CCDC149: variants seen among roughly 807,000 people sequenced by gnomAD.
CCDC149 encodes the protein coiled-coil domain-containing protein 149.
A neutral mutation model predicts 59.9 loss-of-function variants in CCDC149; 45 were observed. That is an observed-to-expected ratio of 0.75 (90% CI 0.59 to 0.96). The LOEUF (loss-of-function observed/expected upper bound fraction) is 0.96, where lower values mean the gene tolerates loss of function less well. Among genes scored for constraint, CCDC149 ranks in the 40% least tolerant of loss-of-function variants. The pLI is 0.00. For missense variants in CCDC149, 584 were observed against 664.7 expected, an observed-to-expected ratio of 0.88 and a Z score of 1.33; for synonymous variants, 245 against 260.6, an observed-to-expected ratio of 0.94 and a Z score of 0.58.
chr4:24,927,569 G>A (rs1411616743), intron 1 of CCDC149, among the ~76,000 whole-genome samples: 1 of 152,210 alleles, frequency 6.6e-6, no homozygotes. Context: ...GTTGATTAAA[G>A]CAGGTGCTGA....
chr4:24,922,134 G>A (rs1218135793), intron 1 of CCDC149, among the ~76,000 whole-genome samples: 2 of 152,084 alleles, frequency 1.3e-5, no homozygotes, highest in East Asian at 1.9e-4. Flanking sequence ...TATTGCATAA[G>A]AGACCCACCC....
chr4:24,949,431 G>A (rs1723210027), intron 1 of CCDC149, among the ~76,000 whole-genome samples: 1 of 150,722 alleles, frequency 6.6e-6, no homozygotes, highest in Non-Finnish European at 1.5e-5. Flanking sequence ...GAGAGGTAGT[G>A]GTGGCAGGGA....
At chr4:24,878,234 A>G (rs928150998) in intron 1 of CCDC149, among the ~76,000 whole-genome samples, 6 of 133,590 alleles carry the variant, frequency 4.5e-5, no homozygotes, top group East Asian at 2.1e-4. Context: ...AAAAAAAAAA[A>G]AAAAGAAAGT....
intron 1 of CCDC149, among the ~76,000 whole-genome samples, chr4:24,894,769 A>G (rs974270551): frequency 1.3e-5 from 2 of 151,874 alleles, no homozygotes; most frequent in Non-Finnish European, 2.9e-5. Context: ...TAGGATGTTT[A>G]GCATAACACA....
chr4:24,901,536 A>G (rs1721170520), intron 1 of CCDC149, among the ~76,000 whole-genome samples: 1 of 152,230 alleles, frequency 6.6e-6, no homozygotes, highest in South Asian at 2.1e-4. Context: ...AGGAGAGAAC[A>G]TGAATCCCAT....
At position 24,808,605 on chromosome 4, in the gene CCDC149, T is replaced by G; in HGVS notation, c.1407A>C (p.Ala469=). The change falls in exon 13 of 13, where the codon GCA becomes GCC. Residue 469 remains alanine (A), a synonymous_variant. Transcript: ENST00000635206. The stretch of plus-strand genomic sequence containing the variant: ...TTCTGACCTCTTCCAGTTCTGCAGC[T>G]GCCTGTTCCTTTGTCAGTTTAATTA... The G allele has an allele frequency of 6.4e-7, 1 of 1,552,320 alleles. No individual in the cohort carries two copies. The highest frequency in any genetic ancestry group is 8.7e-7 in the Non-Finnish European group (1 of 1,147,120).
chr4:24,864,267 T>C (rs1256827543), intron 3 of CCDC149, among the ~76,000 whole-genome samples: 1 of 152,236 alleles, frequency 6.6e-6, no homozygotes, highest in Non-Finnish European at 1.5e-5. Flanking sequence ...TATCATTAAA[T>C]AATCACCAGC....
chr4:24,882,306 A>G (rs1036105410), intron 1 of CCDC149, among the ~76,000 whole-genome samples: 4 of 152,216 alleles, frequency 2.6e-5, no homozygotes, highest in Admixed American at 6.5e-5. Context: ...AATGGGACAA[A>G]CTAAAGGGCC....
chr4:24,970,567 G>A (rs938575495), intron 1 of CCDC149, among the ~76,000 whole-genome samples: 1 of 152,148 alleles, frequency 6.6e-6, no homozygotes, highest in African/African-American at 2.4e-5. Context: ...GTCATGGCTT[G>A]TGTGAACATA....
intron 3 of CCDC149, among the ~76,000 whole-genome samples, chr4:24,867,955 C>T (rs929126397): frequency 1.3e-5 from 2 of 152,222 alleles, no homozygotes; most frequent in African/African-American, 4.8e-5. Flanking sequence ...ACATACATCT[C>T]GTGACCTCTG....
downstream of CCDC149, among the ~76,000 whole-genome samples, chr4:24,804,754 T>A (rs184691372): frequency 2.6e-4 from 40 of 152,228 alleles, no homozygotes; most frequent in Admixed American, 2.6e-3. Flanking sequence ...ATCAAAAAAT[T>A]TACTCCAACA....
intron 12 of CCDC149, among the ~76,000 whole-genome samples, chr4:24,811,950 T>C (rs1198163953): frequency 1.3e-5 from 2 of 152,164 alleles, no homozygotes; most frequent in East Asian, 3.8e-4. Flanking sequence ...GAATCCATTT[T>C]CCGCCTCTCC....
At chr4:24,954,437 G>A (rs920220902) in intron 1 of CCDC149, among the ~76,000 whole-genome samples, 1 of 152,202 alleles carries the variant, frequency 6.6e-6, no homozygotes, top group African/African-American at 2.4e-5. Context: ...CCTGGGCTCT[G>A]AGACTATCCA....
At chr4:24,912,308 T>C (rs186679623) in intron 1 of CCDC149, among the ~76,000 whole-genome samples, 486 of 152,092 alleles carry the variant, frequency 3.2e-3, no homozygotes, top group African/African-American at 0.011. Flanking sequence ...CACGTGTTGA[T>C]TGAATTGAGC....
intron 5 of CCDC149, 126 bp downstream of exon 5, chr4:24,838,030 A>G: frequency 1.3e-6 from 1 of 791,956 alleles, no homozygotes; most frequent in South Asian, 1.5e-5. Flanking sequence ...CTGAGGAAGT[A>G]AAAGCATTCA....
chr4:24,885,070 C>T (rs888112460), intron 1 of CCDC149, among the ~76,000 whole-genome samples: 2 of 152,104 alleles, frequency 1.3e-5, no homozygotes, highest in Admixed American at 6.6e-5. Context: ...GAACAGTGAG[C>T]GACGCCCTGG....
At position 24,806,320 on chromosome 4, in the gene CCDC149, C is replaced by G. The variant is rs1714166974; in HGVS notation, c.*2069G>C. ...CTACACACAGTTTAGGTTATCACTC[C>G]TTATGACTCCTGCTCCCTGCCCTGC... On this transcript the variant is annotated 3_prime_UTR_variant, in exon 13 of 13. Transcript: ENST00000635206. The G allele has an allele frequency of 6.6e-6, 1 of 152,388 alleles. No homozygotes were observed. The highest frequency in any genetic ancestry group is 2.4e-5 in the African/African-American group (1 of 41,444). The allele number at this position is 152,388 out of a possible 1,614,324, so 9.4% of individuals were successfully genotyped here. A position where few individuals can be genotyped will look rare whatever the true frequency, so the allele number is the denominator to read the frequency against.
chr4:24,837,086 T>A lies in CCDC149; in HGVS notation c.662+142A>T, dbSNP rs144776592. The A allele has an allele frequency of 6.0e-5, 45 of 747,786 alleles. No homozygotes were observed. Among genetic ancestry groups the A allele is most frequent in the African/African-American group, 1.2e-4 (7 of 56,484 alleles). The allele number at this position is 747,786 out of a possible 1,614,324, so 46.3% of individuals were successfully genotyped here. On this transcript the variant is annotated intron_variant, in intron 6 of 12. Coordinates refer to ENST00000635206, the MANE Select transcript of CCDC149 (RefSeq NM_001330643.2). This position sits in a 1 kb window ranked among gnomAD's most constrained non-coding sequence, Gnocchi z 4.3. The stretch of plus-strand genomic sequence containing the variant: ...TTGCAACTAATACATGGCATTGATG[T>A]CATCATTTCGGGGGAGTGAGTTTCT...
In CCDC149 at chr4:24,837,171, C is replaced by G; in HGVS notation, c.662+57G>C. ...AGGGCTGCAAATAACTCCCAGCCTG[C>G]AGGCCTGTGCAGAGCCAGCCTTCCT... On this transcript the variant is annotated intron_variant, in intron 6 of 12. Transcript: ENST00000635206. This position sits in a 1 kb window ranked among gnomAD's most constrained non-coding sequence, Gnocchi z 4.3. 6.5e-7 allele frequency: 1 copy of G among 1,528,534 alleles called. No homozygotes were observed. Among genetic ancestry groups the G allele is most frequent in the Non-Finnish European group, 8.9e-7 (1 of 1,118,066 alleles). 94.7% of individuals were successfully genotyped at this position (1,528,534 alleles called of 1,614,324 possible). A position where few individuals can be genotyped will look rare whatever the true frequency, so the allele number is the denominator to read the frequency against.
Sources: gnomAD v4.1 joint callset for allele counts (sites outside exome capture counted in the v4.1 genomes callset) on GRCh38, gnomAD v4.1.1 for gene constraint, Gnocchi (gnomAD v3.1) non-coding constraint, MANE v1.5 for transcripts, NCBI Gene and HGNC (gene_info 2026-07-23, HGNC 2026-07-21) for gene names.